MAN1A1: variants seen among roughly 807,000 people sequenced by gnomAD.
MAN1A1 encodes mannosyl-oligosaccharide 1,2-alpha-mannosidase IA.
Under a neutral mutation model 70.8 loss-of-function variants are expected in MAN1A1, and 29 were observed. The ratio of observed to expected loss-of-function variants is 0.41; its 90% confidence interval spans 0.31 to 0.56. MAN1A1 has a LOEUF of 0.56. MAN1A1 is among the 20% of genes least tolerant of loss of function. MAN1A1 has a pLI of 0.29. For missense variants in MAN1A1, 747 were observed against 841.3 expected (o/e 0.89, Z 1.39); for synonymous variants, 349 against 330.1 (o/e 1.06, Z -0.62).
chr6:119,283,968 C>T (rs1776288145), intron 5 of MAN1A1, among the ~76,000 whole-genome samples: 1 of 152,218 alleles, frequency 6.6e-6, no homozygotes, highest in Non-Finnish European at 1.5e-5. Flanking sequence ...ACATTACTGT[C>T]GGTTTTCTCC....
At chr6:119,295,054 T>G (rs1013371939) in intron 4 of MAN1A1, among the ~76,000 whole-genome samples, 2 of 152,068 alleles carry the variant, frequency 1.3e-5, no homozygotes, top group Admixed American at 1.3e-4. Flanking sequence ...TATAAATTAT[T>G]TTGTATGCTT....
intron 6 of MAN1A1, among the ~76,000 whole-genome samples, chr6:119,246,450 C>T (rs966264862): frequency 6.6e-6 from 1 of 151,970 alleles, no homozygotes; most frequent in Non-Finnish European, 1.5e-5. Flanking sequence ...GTCTGTGAAC[C>T]CCAAAATGTT....
At chr6:119,284,073 T>C (rs1378673301) in intron 5 of MAN1A1, among the ~76,000 whole-genome samples, 2 of 152,182 alleles carry the variant, frequency 1.3e-5, no homozygotes, top group Non-Finnish European at 1.5e-5. Context: ...AGTTTTGGTT[T>C]ATGAGCTACA....
At chr6:119,246,703 T>G (rs1319186336) in intron 6 of MAN1A1, among the ~76,000 whole-genome samples, 1 of 152,078 alleles carries the variant, frequency 6.6e-6, no homozygotes, top group Non-Finnish European at 1.5e-5. Flanking sequence ...AGTATCTTGG[T>G]CAGAATACTA....
At chr6:119,277,842 C>T (rs1047240441) in intron 5 of MAN1A1, among the ~76,000 whole-genome samples, 9 of 142,430 alleles carry the variant, frequency 6.3e-5, no homozygotes, top group African/African-American at 1.0e-4. Context: ...GAGGCTGAGG[C>T]GGGAGAATGG....
At chr6:119,242,267 T>A (rs570520861) in intron 6 of MAN1A1, among the ~76,000 whole-genome samples, 1 of 152,266 alleles carries the variant, frequency 6.6e-6, no homozygotes, top group African/African-American at 2.4e-5. Context: ...ACAGTTCTAG[T>A]TTTTAGTACA....
chr6:119,321,258 T>C (rs555787293), intron 2 of MAN1A1, among the ~76,000 whole-genome samples: 77 of 152,348 alleles, frequency 5.1e-4, no homozygotes, highest in African/African-American at 1.4e-3. Flanking sequence ...GTTTGAACAA[T>C]ATTAGAATTC....
At chr6:119,314,807 A>C (rs928860053) in intron 2 of MAN1A1, among the ~76,000 whole-genome samples, 4 of 151,892 alleles carry the variant, frequency 2.6e-5, no homozygotes, top group Non-Finnish European at 5.9e-5. Flanking sequence ...CCTGCCCTAC[A>C]TCCTTCAATT....
chr6:119,317,538 T>C (rs1295283151), intron 2 of MAN1A1, among the ~76,000 whole-genome samples: 2 of 152,188 alleles, frequency 1.3e-5, no homozygotes, highest in African/African-American at 4.8e-5. Context: ...GGTACCTCCA[T>C]GCCCTTTTAT....
At chr6:119,327,648 C>G (rs1336800616) in intron 2 of MAN1A1, among the ~76,000 whole-genome samples, 1 of 152,002 alleles carries the variant, frequency 6.6e-6, no homozygotes. Context: ...GTGACTATAG[C>G]TAAGAACACT....
chr6:119,201,186 T>G, intron 8 of MAN1A1, 68 bp downstream of exon 8: 1 of 1,163,132 alleles, frequency 8.6e-7, no homozygotes, highest in South Asian at 1.3e-5. Flanking sequence ...GTGCTGCTTT[T>G]GTGCTTCCTC....
At chr6:119,346,091 G>A (rs1340718478) in intron 2 of MAN1A1, among the ~76,000 whole-genome samples, 1 of 152,154 alleles carries the variant, frequency 6.6e-6, no homozygotes, top group Non-Finnish European at 1.5e-5. Context: ...GGGCAACAGA[G>A]CCAGACTCTG....
At chr6:119,203,701 C>G (rs1011209105) in intron 7 of MAN1A1, among the ~76,000 whole-genome samples, 2 of 151,972 alleles carry the variant, frequency 1.3e-5, no homozygotes, top group Admixed American at 6.6e-5. Flanking sequence ...AGGAGGAGAC[C>G]ACTGGGTACA....
chr6:119,318,151 G>A (rs765158693), intron 2 of MAN1A1, among the ~76,000 whole-genome samples: 8 of 152,152 alleles, frequency 5.3e-5, no homozygotes, highest in Non-Finnish European at 1.2e-4. Context: ...GATTCCACAA[G>A]ACTTAAAATC....
chr6:119,217,531 C>T (rs770947863), intron 6 of MAN1A1, among the ~76,000 whole-genome samples: 4 of 152,196 alleles, frequency 2.6e-5, no homozygotes, highest in Admixed American at 1.3e-4. Context: ...CTGCCTGCCT[C>T]GGCCTCCCAA....
intron 2 of MAN1A1, among the ~76,000 whole-genome samples, chr6:119,340,288 A>G (rs1028365640): frequency 6.6e-6 from 1 of 152,134 alleles, no homozygotes; most frequent in Non-Finnish European, 1.5e-5. Context: ...TAGCTCCAGC[A>G]TGTATTCCCG....
At chr6:119,286,158 G>A (rs9489668) in intron 5 of MAN1A1, among the ~76,000 whole-genome samples, 57,412 of 151,874 alleles carry the variant, frequency 0.38, 11,328 homozygotes, top group Non-Finnish European at 0.41. Context: ...AGACAGATGG[G>A]TAGTCTGGGA....
At chr6:119,262,645 A>T (rs2114356559) in intron 5 of MAN1A1, among the ~76,000 whole-genome samples, 1 of 152,306 alleles carries the variant, frequency 6.6e-6, no homozygotes, top group South Asian at 2.1e-4. Flanking sequence ...TACCCAAAGG[A>T]ATATAAATTG....
intron 2 of MAN1A1, among the ~76,000 whole-genome samples, chr6:119,326,222 C>G (rs1773143264): frequency 6.6e-6 from 1 of 152,208 alleles, no homozygotes. Context: ...CTCTCCCTGC[C>G]TTCAGGGTCA....
Sources: gnomAD v4.1 joint callset for allele counts (sites outside exome capture counted in the v4.1 genomes callset) on GRCh38, gnomAD v4.1.1 for gene constraint, MANE v1.5 for transcripts, NCBI Gene and HGNC (gene_info 2026-07-23, HGNC 2026-07-21) for gene names.